RBFOX1: variants seen among roughly 807,000 people sequenced by gnomAD.
The protein encoded by RBFOX1 is RNA binding fox-1 homolog 1, also known as RNA binding protein fox-1 homolog 1.
Under a neutral mutation model 57.7 loss-of-function variants are expected in RBFOX1, and 8 were observed. That is an observed-to-expected ratio of 0.14 (90% CI 0.08 to 0.25). The LOEUF is 0.25. RBFOX1 is among the 10% of genes least tolerant of loss of function. RBFOX1 has a pLI of 1.00. For synonymous variants in RBFOX1, 326 were observed against 222.4 expected (o/e 1.47, Z -4.15); for missense variants, 611 against 548.5 (o/e 1.11, Z -1.14).
intron 3 of RBFOX1, among the ~76,000 whole-genome samples, chr16:5,793,026 C>A (rs186602615): frequency 6.6e-4 from 101 of 152,290 alleles, no homozygotes; most frequent in South Asian, 3.7e-3. Context: ...TAGAAATGAA[C>A]CCCTGCAGTT....
chr16:5,477,762 C>G (rs2069382393), intron 2 of RBFOX1, among the ~76,000 whole-genome samples: 1 of 152,172 alleles, frequency 6.6e-6, no homozygotes, highest in South Asian at 2.1e-4. Flanking sequence ...TTATAGCTTT[C>G]TGATCACAGA....
At chr16:7,639,985 A>G (rs1256275534) in intron 11 of RBFOX1, among the ~76,000 whole-genome samples, 1 of 152,200 alleles carries the variant, frequency 6.6e-6, no homozygotes, top group East Asian at 1.9e-4. Flanking sequence ...CTGAAGCACC[A>G]TCTCTGCTTT....
intron 12 of RBFOX1, among the ~76,000 whole-genome samples, chr16:7,663,350 T>A (rs1392967361): frequency 6.6e-6 from 1 of 152,212 alleles, no homozygotes; most frequent in Non-Finnish European, 1.5e-5. Flanking sequence ...TGAAAGCTAT[T>A]CCTACCAACC....
At chr16:6,620,047 T>C (rs12922594) in intron 2 of RBFOX1, among the ~76,000 whole-genome samples, 32,081 of 152,120 alleles carry the variant, frequency 0.21, 3,613 homozygotes, top group Middle Eastern at 0.25. Flanking sequence ...TCTTATTCTT[T>C]CTTATGGCTG....
intron 3 of RBFOX1, among the ~76,000 whole-genome samples, chr16:6,979,557 C>G (rs1418151585): frequency 6.6e-6 from 1 of 152,194 alleles, no homozygotes; most frequent in East Asian, 1.9e-4. Flanking sequence ...AATGCTTTTG[C>G]AAAAGAAGAG....
intron 4 of RBFOX1, among the ~76,000 whole-genome samples, chr16:7,329,134 C>T (rs1454973254): frequency 1.3e-5 from 2 of 152,184 alleles, no homozygotes; most frequent in African/African-American, 4.8e-5. Context: ...ATTGTAAGTT[C>T]TGCAACACCT....
chr16:7,400,131 C>T (rs928539440), intron 4 of RBFOX1, among the ~76,000 whole-genome samples: 1 of 152,062 alleles, frequency 6.6e-6, no homozygotes, highest in Non-Finnish European at 1.5e-5. Flanking sequence ...TATCCTAATC[C>T]GGAATTTTCT....
At chr16:6,885,654 C>G (rs2063842720) in intron 3 of RBFOX1, among the ~76,000 whole-genome samples, 1 of 152,030 alleles carries the variant, frequency 6.6e-6, no homozygotes, top group Non-Finnish European at 1.5e-5. Context: ...GCCTTAGCCT[C>G]CCTAGTAGCT....
intron 2 of RBFOX1, among the ~76,000 whole-genome samples, chr16:6,529,348 C>T (rs1034884854): frequency 6.6e-6 from 1 of 152,190 alleles, no homozygotes; most frequent in East Asian, 1.9e-4. Context: ...AGATCAAGTT[C>T]AGAAGGTGGA....
chr16:6,069,823 C>A (rs955935261), intron 1 of RBFOX1, among the ~76,000 whole-genome samples: 3 of 151,964 alleles, frequency 2.0e-5, no homozygotes, highest in Non-Finnish European at 4.4e-5. Flanking sequence ...CCCATCTCTA[C>A]TAAAAATGCA....
intron 4 of RBFOX1, among the ~76,000 whole-genome samples, chr16:7,206,084 G>A (rs1232307211): frequency 6.6e-6 from 1 of 152,174 alleles, no homozygotes; most frequent in South Asian, 2.1e-4. Context: ...TCAGTAAAAT[G>A]TTAAGCAGGT....
intron 3 of RBFOX1, among the ~76,000 whole-genome samples, chr16:5,636,271 C>T (rs181805114): frequency 6.6e-6 from 1 of 152,246 alleles, no homozygotes; most frequent in Admixed American, 6.5e-5. Flanking sequence ...TCATTTAAAC[C>T]CGGGAGGTGG....
intron 4 of RBFOX1, among the ~76,000 whole-genome samples, chr16:7,387,911 TTCG>T (rs1361285257): frequency 2.0e-5 from 3 of 152,214 alleles, no homozygotes; most frequent in Non-Finnish European, 2.9e-5. Flanking sequence ...ATTTTCCACT[TTCG>T]CCTTTATTTT....
chr16:6,550,854 T>A (rs753018071), intron 2 of RBFOX1, among the ~76,000 whole-genome samples: 8 of 152,214 alleles, frequency 5.3e-5, no homozygotes, highest in Admixed American at 1.3e-4. Flanking sequence ...TGGCCCTAAA[T>A]AGATATTTAA....
intron 4 of RBFOX1, among the ~76,000 whole-genome samples, chr16:7,280,304 C>T (rs1239767710): frequency 6.6e-6 from 1 of 152,212 alleles, no homozygotes; most frequent in African/African-American, 2.4e-5. Flanking sequence ...GGTGTTCTGC[C>T]TTCCAGAATA....
At chr16:5,241,109 C>A (rs980595314) in intron 1 of RBFOX1, among the ~76,000 whole-genome samples, 3 of 152,218 alleles carry the variant, frequency 2.0e-5, no homozygotes, top group Non-Finnish European at 2.9e-5. Context: ...TCATTCTGAA[C>A]CCATTTGGGC....
chr16:6,880,749 G>T (rs2062771307), intron 3 of RBFOX1, among the ~76,000 whole-genome samples: 1 of 152,152 alleles, frequency 6.6e-6, no homozygotes, highest in South Asian at 2.1e-4. Flanking sequence ...GATTGTATTT[G>T]ATTGCGTTGT....
At chr16:7,328,498 A>G (rs965207309) in intron 4 of RBFOX1, 7 of 151,578 alleles carry the variant, frequency 4.6e-5, no homozygotes, top group South Asian at 2.1e-4. Flanking sequence ...AAAAAAAAAA[A>G]AAGAAGACCT....
intron 4 of RBFOX1, among the ~76,000 whole-genome samples, chr16:7,366,927 C>T (rs1378686229): frequency 5.3e-5 from 8 of 152,104 alleles, no homozygotes; most frequent in Non-Finnish European, 8.8e-5. Flanking sequence ...TAATTTTGAG[C>T]ATGTTTACTC....
Sources: allele counts gnomAD v4.1 joint callset (sites outside exome capture counted in the v4.1 genomes callset), GRCh38; gene constraint gnomAD v4.1.1; transcripts MANE v1.5; gene names NCBI Gene and HGNC (gene_info 2026-07-23, HGNC 2026-07-21).